Variants in DYNC2I2 observed in about 807,000 individuals in gnomAD.
The protein encoded by DYNC2I2 is cytoplasmic dynein 2 intermediate chain 2.
DYNC2I2 carries 39 observed loss-of-function variants against 52.0 expected under a neutral mutation model. That is an observed-to-expected ratio of 0.75 (90% CI 0.58 to 0.98). The LOEUF (loss-of-function observed/expected upper bound fraction) is 0.98, where lower values mean the gene tolerates loss of function less well. Among genes scored for constraint, DYNC2I2 ranks in the 50% least tolerant of loss-of-function variants. DYNC2I2 has a pLI of 0.00. For synonymous variants in DYNC2I2, 359 were observed against 321.1 expected (o/e 1.12, Z -1.26); for missense variants, 743 against 728.4 (o/e 1.02, Z -0.23).
At chr9:128,680,113 T>G in the DYNC2I2 span, among the ~76,000 whole-genome samples, 2 of 151,982 alleles carry the variant, frequency 1.3e-5, no homozygotes, top group African/African-American at 2.4e-5. Flanking sequence ...CAGGCTGGAG[T>G]GCAATGGTGT....
At position 128,649,926 on chromosome 9, in the gene DYNC2I2, G is replaced by A. The variant is rs1168801153; in HGVS notation, c.186+6615C>T. On this transcript the variant is annotated intron_variant, in intron 1 of 8. Transcript: ENST00000372715. ...GAGAATCGCTTGAACCCGGGAGACA[G>A]AGGTTGCAGTGAGCTGAGATCGCGC... Among the ~76,000 whole-genome samples, 3 of 55,714 alleles carry A rather than the reference G, an allele frequency of 5.4e-5. 1 individual carries two copies. The highest frequency in any genetic ancestry group is 1.5e-4 in the Non-Finnish European group (2 of 13,394). 36.6% of individuals were successfully genotyped at this position (55,714 alleles called of 152,430 possible).
At chr9:128,655,335 TAAAA>T (rs869197100) in intron 1 of DYNC2I2, among the ~76,000 whole-genome samples, 244 of 18,692 alleles carry the variant, frequency 0.013, 7 homozygotes, top group African/African-American at 0.032. Flanking sequence ...CCGTCTCTAC[TAAAA>T]AAAAAAAAAA....
Position 128,635,172 on chromosome 9 carries a change from T to C in DYNC2I2, c.901A>G (p.Ile301Val), listed in dbSNP as rs1388677627. 2.5e-6 allele frequency: 4 copies of C among 1,613,368 alleles called. No individual in the cohort carries two copies. The highest frequency in any genetic ancestry group is 1.7e-5 in the Admixed American group (1 of 60,002). Residue 301 changes from isoleucine to valine, a missense_variant, in exon 6 of 9, where the codon ATC becomes GTC. Transcript: ENST00000372715. ...TDGKVLLWQG[I>V]GVGQLQLTEG... Reference sequence around the variant, plus strand: ...GTGAGCTGCAGCTGGCCTACCCCGATGCCCTGCCAGAGTAGCACCTTCCCG... The same window carrying C: ...GTGAGCTGCAGCTGGCCTACCCCGACGCCCTGCCAGAGTAGCACCTTCCCG...
chr9:128,661,870 C>T, the DYNC2I2 span, among the ~76,000 whole-genome samples: 69 of 151,650 alleles, frequency 4.5e-4, no homozygotes, highest in South Asian at 0.014. Flanking sequence ...GGTGAAACCC[C>T]GTCTCTACTA....
the DYNC2I2 span, among the ~76,000 whole-genome samples, chr9:128,678,697 A>G: frequency 3.3e-5 from 5 of 151,192 alleles, no homozygotes; most frequent in Admixed American, 1.3e-4. Flanking sequence ...CCTGATCTCA[A>G]GTGATCCACC....
upstream of DYNC2I2, among the ~76,000 whole-genome samples, chr9:128,658,721 ATT>A (rs746310535): frequency 8.7e-5 from 8 of 91,542 alleles, no homozygotes; most frequent in East Asian, 3.0e-4. Context: ...ACCTGACCTA[ATT>A]TTTTTTTTTT....
the DYNC2I2 span, among the ~76,000 whole-genome samples, chr9:128,675,133 C>G: frequency 2.0e-5 from 3 of 151,974 alleles, no homozygotes; most frequent in Non-Finnish European, 2.9e-5. Flanking sequence ...TACTCCTTGC[C>G]CTTTGATTTT....
At chr9:128,678,871 C>T in the DYNC2I2 span, among the ~76,000 whole-genome samples, 1 of 151,974 alleles carries the variant, frequency 6.6e-6, no homozygotes, top group South Asian at 2.1e-4. Context: ...AGATGGAGAG[C>T]ATCCTGGCTA....
At position 128,636,717 on chromosome 9, in the gene DYNC2I2, G is replaced by A. The variant is rs759635235; in HGVS notation, c.545+201C>T. 2.0e-5 allele frequency among the ~76,000 whole-genome samples: 3 copies of A among 152,160 alleles called. No individual in the cohort carries two copies. The East Asian group carries it at 5.8e-4, about 29-fold the overall frequency. The stretch of plus-strand genomic sequence containing the variant: ...AGGCAGGCCCAGGGCCTCCAGGCAG[G>A]GGGGAGGGTGATCCTGGCACTCAGC... On this transcript the variant is annotated intron_variant, in intron 3 of 8. Coordinates refer to ENST00000372715, the MANE Select transcript of DYNC2I2 (RefSeq NM_052844.4).
At position 128,642,453 on chromosome 9, in the gene DYNC2I2, CAAAAAAAAAAA is replaced by C. The variant is rs34018869; in HGVS notation, c.187-1525_187-1515del. Among the ~76,000 whole-genome samples, 5 of 78,444 alleles carry C rather than the reference CAAAAAAAAAAA, an allele frequency of 6.4e-5. No individual in the cohort carries two copies. In the East Asian group the frequency reaches 1.0e-3, roughly 16 times the overall value. 51.5% of individuals were successfully genotyped at this position (78,444 alleles called of 152,430 possible). On this transcript the variant is annotated intron_variant, in intron 1 of 8. Coordinates refer to ENST00000372715, the MANE Select transcript of DYNC2I2 (RefSeq NM_052844.4). ...CCTGGCCTATGGTAGGAGACTTTCT[CAAAAAAAAAAA>C]AAAAAAAAAAAAATTACTTATTGAG...
chr9:128,666,579 T>G, the DYNC2I2 span, among the ~76,000 whole-genome samples: 83 of 151,874 alleles, frequency 5.5e-4, 1 homozygote, highest in African/African-American at 1.9e-3. Context: ...CTGACCAACA[T>G]GATGAAACCC....
chr9:128,683,554 T>C, the DYNC2I2 span: 1 of 268,012 alleles, frequency 3.7e-6, no homozygotes, highest in East Asian at 5.7e-5. Context: ...GGGAACGAAC[T>C]GGGGGATAGG....
chr9:128,679,025 C>T, the DYNC2I2 span, among the ~76,000 whole-genome samples: 2 of 152,010 alleles, frequency 1.3e-5, no homozygotes, highest in African/African-American at 2.4e-5. Context: ...GCCGAGATTG[C>T]GTCACTGCAC....
chr9:128,648,479 C>A (rs1378572724), intron 1 of DYNC2I2, among the ~76,000 whole-genome samples: 1 of 151,738 alleles, frequency 6.6e-6, no homozygotes, highest in East Asian at 2.0e-4. Context: ...AAGCCAGGCC[C>A]CGCCAAGCCA....
intron 1 of DYNC2I2, among the ~76,000 whole-genome samples, chr9:128,646,689 C>T (rs1386342782): frequency 3.3e-5 from 5 of 151,134 alleles, no homozygotes; most frequent in Non-Finnish European, 5.9e-5. Context: ...AGGGCCCTTA[C>T]AAATTATGCT....
the DYNC2I2 span, among the ~76,000 whole-genome samples, chr9:128,675,541 C>G: frequency 6.6e-6 from 1 of 152,108 alleles, no homozygotes; most frequent in East Asian, 1.9e-4. Flanking sequence ...TAATACTATC[C>G]TATAAAGATG....
chr9:128,663,007 G>C, the DYNC2I2 span: 96 of 152,134 alleles, frequency 6.3e-4, 1 homozygote, highest in African/African-American at 2.0e-3. Flanking sequence ...GTTTGGCCAG[G>C]CTGGTCTCAA....
the DYNC2I2 span, among the ~76,000 whole-genome samples, chr9:128,668,254 C>T: frequency 8.6e-5 from 12 of 138,938 alleles, no homozygotes; most frequent in East Asian, 4.0e-4. Flanking sequence ...CCACCACGCC[C>T]GGCCAGTCTC....
chr9:128,643,351 C>T (rs1261137934), intron 1 of DYNC2I2, among the ~76,000 whole-genome samples: 1 of 152,026 alleles, frequency 6.6e-6, no homozygotes, highest in Non-Finnish European at 1.5e-5. Context: ...ATGGTGAAAC[C>T]CCGTCTCTAC....
Sources: allele counts gnomAD v4.1 joint callset (sites outside exome capture counted in the v4.1 genomes callset), GRCh38; gene constraint gnomAD v4.1.1; transcripts MANE v1.5; gene names NCBI Gene and HGNC (gene_info 2026-07-23, HGNC 2026-07-21).